CDH8: variants seen among roughly 807,000 people sequenced by gnomAD.
The protein encoded by CDH8 is cadherin 8, also known as cadherin-8.
A neutral mutation model predicts 68.1 loss-of-function variants in CDH8; 17 were observed. The ratio of observed to expected loss-of-function variants is 0.25; its 90% CI spans 0.17 to 0.37. The LOEUF is 0.37. CDH8 is among the 10% of genes least tolerant of loss of function. CDH8 has a pLI of 1.00. For missense variants in CDH8, 763 were observed against 999.3 expected, an observed-to-expected ratio of 0.76 and a Z score of 3.19; for synonymous variants, 372 against 365.1, an observed-to-expected ratio of 1.02 and a Z score of -0.21.
At chr16:61,819,593 G>A (rs1304003869) in intron 6 of CDH8, among the ~76,000 whole-genome samples, 1 of 152,026 alleles carries the variant, frequency 6.6e-6, no homozygotes, top group Non-Finnish European at 1.5e-5. Flanking sequence ...TAAAATAAAT[G>A]TAGACATCTT....
At chr16:61,844,074 CACCATGGA>C (rs1175936004) in intron 4 of CDH8, among the ~76,000 whole-genome samples, 1 of 151,966 alleles carries the variant, frequency 6.6e-6, no homozygotes, top group Non-Finnish European at 1.5e-5. Flanking sequence ...GGCACATATA[CACCATGGA>C]ATACTATGCA....
At position 61,750,796 on chromosome 16, in the gene CDH8, A is replaced by T. The variant is rs573362840; in HGVS notation, c.1415-23581T>A. On this transcript the variant is annotated intron_variant, in intron 8 of 11. Transcript: ENST00000577390. The stretch of plus-strand genomic sequence containing the variant: ...AATTAACTGCATGAAAGCTATTCAG[A>T]ATTTCATAATTTCAAATGTTGCCTA... Among the ~76,000 whole-genome samples, 4 of 152,260 alleles carry T rather than the reference A, an allele frequency of 2.6e-5. No homozygotes were observed. The East Asian group carries it at 7.7e-4, about 29-fold the overall frequency.
chr16:61,945,306 G>A (rs1436066713), intron 2 of CDH8, among the ~76,000 whole-genome samples: 2 of 152,232 alleles, frequency 1.3e-5, no homozygotes, highest in African/African-American at 2.4e-5. Flanking sequence ...GCATCGGAAT[G>A]ATCACAAAGT....
At chr16:61,712,109 G>A (rs1207127944) in intron 10 of CDH8, among the ~76,000 whole-genome samples, 1 of 151,290 alleles carries the variant, frequency 6.6e-6, no homozygotes, top group East Asian at 1.9e-4. Flanking sequence ...TCTATTACAG[G>A]GTTTATCATA....
chr16:61,721,303 G>A (rs970008899), intron 9 of CDH8, among the ~76,000 whole-genome samples: 2 of 150,842 alleles, frequency 1.3e-5, no homozygotes, highest in Admixed American at 6.6e-5. Context: ...GCATTTTGTG[G>A]AGGCTATCAA....
intron 10 of CDH8, among the ~76,000 whole-genome samples, chr16:61,665,695 C>T (rs1031351196): frequency 2.0e-5 from 3 of 151,850 alleles, no homozygotes; most frequent in Non-Finnish European, 4.4e-5. Context: ...TAGACTGTGC[C>T]TATCTGGATA....
At chr16:61,787,890 A>G (rs983859371) in intron 8 of CDH8, among the ~76,000 whole-genome samples, 11 of 127,262 alleles carry the variant, frequency 8.6e-5, no homozygotes, top group Non-Finnish European at 1.7e-4. Flanking sequence ...GAATTGAACA[A>G]TGAGATCACA....
intron 8 of CDH8, among the ~76,000 whole-genome samples, chr16:61,743,630 A>G (rs1045162442): frequency 2.0e-5 from 3 of 152,044 alleles, no homozygotes; most frequent in African/African-American, 7.2e-5. Context: ...TTTCACTATC[A>G]TACATTTATT....
chr16:61,767,093 C>G (rs550285072), intron 8 of CDH8, among the ~76,000 whole-genome samples: 3 of 151,964 alleles, frequency 2.0e-5, no homozygotes, highest in Non-Finnish European at 4.4e-5. Context: ...TTCTGCTATG[C>G]TGACACTACC....
intron 7 of CDH8, among the ~76,000 whole-genome samples, chr16:61,799,471 G>A (rs867820695): frequency 6.6e-6 from 1 of 152,034 alleles, no homozygotes. Flanking sequence ...CTATAATCTA[G>A]TGGAGTAGCC....
intron 2 of CDH8, among the ~76,000 whole-genome samples, chr16:61,973,212 T>G (rs977194523): frequency 1.3e-5 from 2 of 152,216 alleles, no homozygotes; most frequent in African/African-American, 4.8e-5. Context: ...ATTCTCAGCC[T>G]TCTCAACTGA....
At chr16:61,799,208 T>C (rs1169150017) in intron 7 of CDH8, among the ~76,000 whole-genome samples, 3 of 152,086 alleles carry the variant, frequency 2.0e-5, no homozygotes, top group South Asian at 2.1e-4. Flanking sequence ...TGATATCTTT[T>C]TGGAGCTGTT....
In CDH8 at chr16:61,649,962, T is replaced by C. The variant is rs1019252248; in HGVS notation, c.*3646A>G. 1 of 152,098 alleles carries C rather than the reference T, an allele frequency of 6.6e-6. No individual in the cohort carries two copies. The highest frequency in any genetic ancestry group is 1.5e-5 in the Non-Finnish European group (1 of 68,018). The allele number at this position is 152,098 out of a possible 1,614,324, so 9.4% of individuals were successfully genotyped here. On this transcript the variant is annotated 3_prime_UTR_variant, in exon 12 of 12. Transcript: ENST00000577390. ...TCTCCCAAAGACACATTTGTATCTTTCTAAGCATTCTTGCTTCACTGGTGA... is the reference window on the plus strand; with the variant it reads ...TCTCCCAAAGACACATTTGTATCTTCCTAAGCATTCTTGCTTCACTGGTGA...
intron 10 of CDH8, among the ~76,000 whole-genome samples, chr16:61,696,219 T>C (rs1964322688): frequency 6.6e-6 from 1 of 152,204 alleles, no homozygotes; most frequent in Non-Finnish European, 1.5e-5. Context: ...CTCTTTATTT[T>C]CACAGCCTAA....
intron 3 of CDH8, among the ~76,000 whole-genome samples, chr16:61,899,831 GAC>G (rs35171683): frequency 0.33 from 49,256 of 147,086 alleles, 8,683 homozygotes; most frequent in East Asian, 0.45. Flanking sequence ...ATGTTATAAA[GAC>G]ACACACACAC....
At chr16:61,955,964 G>A (rs1002919925) in intron 2 of CDH8, among the ~76,000 whole-genome samples, 1 of 152,098 alleles carries the variant, frequency 6.6e-6, no homozygotes, top group Non-Finnish European at 1.5e-5. Flanking sequence ...CAAACAGGTA[G>A]AACTGAGTTC....
chr16:61,768,300 CTG>C (rs1327155173), intron 8 of CDH8, among the ~76,000 whole-genome samples: 1 of 147,410 alleles, frequency 6.8e-6, no homozygotes, highest in Non-Finnish European at 1.5e-5. Context: ...GGCTCTCTCT[CTG>C]TGTCTCTCCC....
rs1430252308 is a variant in CDH8, at chr16:61,649,936, C to G, written c.*3672G>C. 6.6e-6 allele frequency: 1 copy of G among 152,104 alleles called. No homozygotes were observed. The highest frequency in any genetic ancestry group is 2.1e-4 in the South Asian group (1 of 4,830). 9.4% of individuals were successfully genotyped at this position (152,104 alleles called of 1,614,324 possible). ...TACTTTAAGCATCTGATTAAGCAGA[C>G]TCTCCCAAAGACACATTTGTATCTT... On this transcript the variant is annotated 3_prime_UTR_variant, in exon 12 of 12. Transcript: ENST00000577390.
intron 7 of CDH8, among the ~76,000 whole-genome samples, chr16:61,813,256 C>T (rs1961992285): frequency 1.3e-5 from 2 of 152,138 alleles, no homozygotes; most frequent in Admixed American, 6.6e-5. Context: ...GCCCAGTTGA[C>T]GAGTTACAGA....
Sources: gnomAD v4.1 joint callset for allele counts (sites outside exome capture counted in the v4.1 genomes callset) on GRCh38, gnomAD v4.1.1 for gene constraint, MANE v1.5 for transcripts, NCBI Gene and HGNC (gene_info 2026-07-23, HGNC 2026-07-21) for gene names.